KLC1: variants seen among roughly 807,000 people sequenced by gnomAD.
KLC1 encodes the protein kinesin light chain 1, also known as kinesin 2 60/70kDa.
KLC1 carries 30 observed loss-of-function variants against 84.2 expected under a neutral mutation model. That is an observed-to-expected ratio of 0.36 (90% CI 0.27 to 0.48). The LOEUF is 0.48. Ranked by LOEUF, KLC1 falls within the 20% of genes least tolerant of loss-of-function variation. KLC1 has a pLI of 0.99. For missense variants in KLC1, 499 were observed against 805.4 expected, an observed-to-expected ratio of 0.62 and a Z score of 4.60; for synonymous variants, 289 against 293.3, an observed-to-expected ratio of 0.99 and a Z score of 0.15.
chr14:103,675,012 T>G (rs2080759020), intron 9 of KLC1, among the ~76,000 whole-genome samples: 1 of 152,116 alleles, frequency 6.6e-6, no homozygotes, highest in Admixed American at 6.6e-5. Flanking sequence ...CTGTAAGAAG[T>G]AGTATCTAAC....
At chr14:103,634,302 A>T (rs116859075) in intron 1 of KLC1, among the ~76,000 whole-genome samples, 2,307 of 152,184 alleles carry the variant, frequency 0.015, 32 homozygotes, top group South Asian at 0.041. Flanking sequence ...GAACTTAGTA[A>T]ATGTTTGTTG....
intron 15 of KLC1, chr14:103,696,104 C>T (rs1262612281): frequency 2.3e-5 from 12 of 530,616 alleles, no homozygotes; most frequent in Non-Finnish European, 2.8e-5. Context: ...CCCCGCCCCC[C>T]GCCCCCCCCC....
intron 1 of KLC1, among the ~76,000 whole-genome samples, chr14:103,646,765 A>G (rs2077971790): frequency 6.6e-6 from 1 of 151,988 alleles, no homozygotes; most frequent in Admixed American, 6.6e-5. Flanking sequence ...ATGTGCCACC[A>G]TGCCTAGCTA....
At chr14:103,666,691 G>A (rs1432158853) in intron 5 of KLC1, among the ~76,000 whole-genome samples, 2 of 147,242 alleles carry the variant, frequency 1.4e-5, no homozygotes, top group Non-Finnish European at 3.0e-5. Context: ...TCTGCCTCCC[G>A]GGTTGAGGCG....
At chr14:103,695,113 A>G (rs1467300669) in intron 15 of KLC1, 4 of 984,740 alleles carry the variant, frequency 4.1e-6, no homozygotes, top group Non-Finnish European at 4.8e-6. Flanking sequence ...AGAAAATTTC[A>G]TAGGTTCTGT....
At chr14:103,696,954 C>T in intron 15 of KLC1, 1 of 985,446 alleles carries the variant, frequency 1.0e-6, no homozygotes, top group Non-Finnish European at 1.2e-6. Context: ...CGGGAAGCCC[C>T]TCGGCCCCTT....
At chr14:103,671,385 T>C (rs80296277) in intron 7 of KLC1, among the ~76,000 whole-genome samples, 3 of 152,116 alleles carry the variant, frequency 2.0e-5, no homozygotes, top group African/African-American at 2.4e-5. Flanking sequence ...TTTTTTTTTT[T>C]CTGAAACGGA....
In KLC1 at chr14:103,637,304, G is replaced by A. The variant is rs150360120; in HGVS notation, c.-2+7810G>A. 5.9e-5 allele frequency among the ~76,000 whole-genome samples: 9 copies of A among 152,010 alleles called. No individual in the cohort carries two copies. In the East Asian group the frequency reaches 1.8e-3, roughly 30 times the overall value. On this transcript the variant is annotated intron_variant, in intron 1 of 16. Transcript: ENST00000334553. Reference sequence around the variant, plus strand: ...CCCAGCACTTTCGGAGGCCGAGGCGGGTGGATCATGAAGTCAGGAGTTTGA... The same window carrying A: ...CCCAGCACTTTCGGAGGCCGAGGCGAGTGGATCATGAAGTCAGGAGTTTGA...
At chr14:103,685,996 T>C (rs909486112) in intron 13 of KLC1, 3 of 1,096,540 alleles carry the variant, frequency 2.7e-6, no homozygotes, top group Admixed American at 4.8e-5. Context: ...CGGTGACCTG[T>C]TGACGTAACT....
rs1439642189 is a variant in KLC1 at position 103,662,119 on chromosome 14, G to A, written c.496G>A (p.Asp166Asn). The change falls in exon 4 of 17, where the codon GAC (aspartate) becomes AAC (asparagine). Residue 166 changes from aspartate (D) to asparagine (N), a missense_variant. Physicochemically the swap from Asp to Asn is conservative, Grantham distance 23. Around this residue, in one of 3 missense-constraint regions of KLC1, gnomAD observed 179 missense variants for 264.2 expected, o/e 0.68. Transcript: ENST00000334553. The stretch of plus-strand genomic sequence containing the variant: ...TTGTCCTGGGTCTGTTTTATAGGAG[G>A]ACAAAGACACTGATTCTACCAAAGA... Reference protein sequence around the residue: ...KYDDDISPSEDKDTDSTKEPL... With the variant: ...KYDDDISPSENKDTDSTKEPL... The A allele has an allele frequency of 6.2e-7, 1 of 1,612,886 alleles. No homozygotes were observed. Among genetic ancestry groups the A allele is most frequent in the African/African-American group, 1.3e-5 (1 of 74,878 alleles).
At chr14:103,663,998 A>G (rs914108486) in intron 5 of KLC1, among the ~76,000 whole-genome samples, 2 of 152,216 alleles carry the variant, frequency 1.3e-5, no homozygotes, top group East Asian at 3.8e-4. Context: ...GCCCCCTGTT[A>G]TAACAACACT....
rs1399618342 is a variant in KLC1 at position 103,646,288 on chromosome 14, A to C, written c.-1-8276A>C. 2.0e-5 allele frequency among the ~76,000 whole-genome samples: 3 copies of C among 152,162 alleles called. No individual in the cohort carries two copies. The East Asian group carries it at 5.8e-4, about 29-fold the overall frequency. ...GTCATAAAGGACGAATTAAAAGGAC[A>C]GTTTTAGTGTGTAATGAGAACTATT... is the stretch of plus-strand genomic sequence containing the variant. On this transcript the variant is annotated intron_variant, in intron 1 of 16. Transcript: ENST00000334553.
At chr14:103,673,783 T>C (rs564811836) in intron 9 of KLC1, among the ~76,000 whole-genome samples, 366 of 151,584 alleles carry the variant, frequency 2.4e-3, no homozygotes, top group African/African-American at 8.5e-3. Context: ...CTTAGCCGGG[T>C]GTGATGGCGG....
intron 1 of KLC1, among the ~76,000 whole-genome samples, chr14:103,631,714 C>T (rs1463360373): frequency 6.6e-6 from 1 of 152,152 alleles, no homozygotes; most frequent in East Asian, 1.9e-4. Context: ...TCTCCTGCCT[C>T]AGCCTCCCTA....
intron 13 of KLC1, 172 bp from the exon 14 acceptor site, chr14:103,686,909 G>T (rs2081811901): frequency 3.1e-6 from 1 of 326,214 alleles, no homozygotes; most frequent in Non-Finnish European, 5.9e-6. Context: ...ACAATTTCTA[G>T]TTAAAGTATA....
Position 103,701,366 on chromosome 14 carries a change from G to A in KLC1, c.*167G>A. On this transcript the variant is annotated 3_prime_UTR_variant, in exon 17 of 17. Transcript: ENST00000334553. The stretch of plus-strand genomic sequence containing the variant: ...CATGATACTAATAACCACACGGCTG[G>A]CGTGACCTTGGGGCTGGGGCTGGGC... 1 of 708,548 alleles carries A rather than the reference G, an allele frequency of 1.4e-6. No individual in the cohort carries two copies. 43.9% of individuals were successfully genotyped at this position (708,548 alleles called of 1,614,324 possible).
chr14:103,636,698 T>C (rs1011791632), intron 1 of KLC1, among the ~76,000 whole-genome samples: 1 of 151,972 alleles, frequency 6.6e-6, no homozygotes, highest in Non-Finnish European at 1.5e-5. Flanking sequence ...TTGGATTGTT[T>C]GTATTTTTAA....
intron 14 of KLC1, among the ~76,000 whole-genome samples, chr14:103,689,913 C>G (rs1383052530): frequency 6.6e-6 from 1 of 152,228 alleles, no homozygotes; most frequent in African/African-American, 2.4e-5. Flanking sequence ...GGTGCAGTGG[C>G]TGATGCCTGT....
intron 6 of KLC1, among the ~76,000 whole-genome samples, 177 bp from the exon 7 acceptor site, chr14:103,670,005 C>T (rs1305598686): frequency 6.6e-6 from 1 of 152,142 alleles, no homozygotes; most frequent in African/African-American, 2.4e-5. Flanking sequence ...TGCAGTGTTA[C>T]TTTGTATAAT....
Sources: gnomAD v4.1 joint callset for allele counts (sites outside exome capture counted in the v4.1 genomes callset) on GRCh38, gnomAD v4.1.1 for gene constraint, gnomAD v4.1.1 regional missense constraint, MANE v1.5 for transcripts, NCBI Gene and HGNC (gene_info 2026-07-23, HGNC 2026-07-21) for gene names.